The following GRID1 variants were observed in gnomAD, a reference collection of about 807,000 sequenced individuals.
GRID1 encodes the protein glutamate ionotropic receptor delta type subunit 1.
GRID1 carries 28 observed loss-of-function variants against 98.0 expected under a neutral mutation model. The ratio of observed to expected loss-of-function variants is 0.29; its 90% CI spans 0.21 to 0.39. GRID1 has a LOEUF of 0.39. Ranked by LOEUF, GRID1 falls within the 10% of genes least tolerant of loss-of-function variation. The probability of loss-of-function intolerance (pLI) is 1.00; values close to 1 mark genes in which losing one functional copy is unlikely to be tolerated. For synonymous variants in GRID1, 553 were observed against 538.5 expected (o/e 1.03, Z -0.37); for missense variants, 1,111 against 1,340.5 (o/e 0.83, Z 2.67).
chr10:85,965,396 T>A (rs575504955), intron 4 of GRID1, among the ~76,000 whole-genome samples: 1 of 152,266 alleles, frequency 6.6e-6, no homozygotes, highest in East Asian at 1.9e-4. Context: ...CAAATGCCCA[T>A]CAATGATAGC....
intron 4 of GRID1, among the ~76,000 whole-genome samples, chr10:85,943,560 T>C (rs1263971117): frequency 6.6e-6 from 1 of 152,180 alleles, no homozygotes; most frequent in Non-Finnish European, 1.5e-5. Flanking sequence ...TACTTGGGGA[T>C]TGAATCTACC....
At chr10:86,074,503 G>T (rs1367619569) in intron 4 of GRID1, among the ~76,000 whole-genome samples, 1 of 152,170 alleles carries the variant, frequency 6.6e-6, no homozygotes, top group Admixed American at 6.5e-5. Context: ...CATTGATGAT[G>T]AAATTGACAT....
intron 4 of GRID1, among the ~76,000 whole-genome samples, chr10:85,954,866 C>T (rs747973093): frequency 1.3e-5 from 2 of 152,150 alleles, no homozygotes; most frequent in African/African-American, 4.8e-5. Flanking sequence ...TTCAGTTCCC[C>T]ACGGTGTTGT....
intron 8 of GRID1, among the ~76,000 whole-genome samples, chr10:85,732,726 G>A (rs1841839414): frequency 1.3e-5 from 2 of 152,044 alleles, no homozygotes; most frequent in South Asian, 4.1e-4. Context: ...ACTCAAATAT[G>A]AACTATATTA....
At position 86,323,909 on chromosome 10, in the gene GRID1, T is replaced by C. The variant is rs537207747; in HGVS notation, c.235+40032A>G. Among the ~76,000 whole-genome samples the C allele has an allele frequency of 2.0e-5, 3 of 152,324 alleles. No homozygotes were observed. In the South Asian group the frequency reaches 6.2e-4, roughly 32 times the overall value. On this transcript the variant is annotated intron_variant, in intron 2 of 15. Coordinates refer to ENST00000327946, the MANE Select transcript of GRID1 (RefSeq NM_017551.3). ...AAAACTTTATTGAGGCCCAGCATGG[T>C]GGCTCACACCTGTAATCCCAGCACT...
intron 2 of GRID1, among the ~76,000 whole-genome samples, chr10:86,297,993 A>G (rs550157118): frequency 1.3e-5 from 2 of 152,358 alleles, no homozygotes; most frequent in Admixed American, 1.3e-4. Flanking sequence ...TTCGAAAGCA[A>G]TTTGGCGTTA....
chr10:86,365,898 G>C lies in GRID1; in HGVS notation c.79+416C>G, dbSNP rs1363222475. On this transcript the variant is annotated intron_variant, in intron 1 of 15. Transcript: ENST00000327946. This position sits in a 1 kb window ranked among gnomAD's most constrained non-coding sequence, Gnocchi z 4.8. ...CCCACACACATTCACACACGGTTCC[G>C]GTCCGGCCTCTTTGATCTTGCCCTG... Among the ~76,000 whole-genome samples, 2 of 151,068 alleles carry C rather than the reference G, an allele frequency of 1.3e-5. No individual in the cohort carries two copies. Among genetic ancestry groups the C allele is most frequent in the Admixed American group, 1.3e-4 (2 of 15,222 alleles).
intron 8 of GRID1, among the ~76,000 whole-genome samples, chr10:85,778,787 A>T (rs1427747909): frequency 6.6e-6 from 1 of 152,214 alleles, no homozygotes; most frequent in Non-Finnish European, 1.5e-5. Context: ...CTGGAGGCAG[A>T]TAGTACAGGT....
chr10:85,924,560 A>T (rs1327876463), intron 4 of GRID1, among the ~76,000 whole-genome samples: 1 of 152,214 alleles, frequency 6.6e-6, no homozygotes, highest in Non-Finnish European at 1.5e-5. Flanking sequence ...ATCATGCCTA[A>T]CAACATAGTA....
intron 8 of GRID1, among the ~76,000 whole-genome samples, chr10:85,759,215 G>A (rs1241770532): frequency 6.6e-6 from 1 of 152,116 alleles, no homozygotes; most frequent in African/African-American, 2.4e-5. Flanking sequence ...GTTCCTGGCT[G>A]CCCCTTGAGG....
intron 8 of GRID1, among the ~76,000 whole-genome samples, chr10:85,810,490 C>A (rs1158936437): frequency 1.3e-5 from 2 of 152,178 alleles, no homozygotes; most frequent in East Asian, 3.9e-4. Context: ...GAGAAACAGT[C>A]TAGCAGACCT....
At chr10:86,233,834 G>C (rs1301113761) in intron 2 of GRID1, among the ~76,000 whole-genome samples, 1 of 151,980 alleles carries the variant, frequency 6.6e-6, no homozygotes, top group Non-Finnish European at 1.5e-5. Flanking sequence ...ACTCTGGAAG[G>C]CTGACTGCTG....
At chr10:86,116,248 C>T (rs1316573569) in intron 4 of GRID1, among the ~76,000 whole-genome samples, 1 of 152,114 alleles carries the variant, frequency 6.6e-6, no homozygotes, top group Non-Finnish European at 1.5e-5. Context: ...TCAGTAAGTG[C>T]TTACAAAATT....
chr10:86,303,390 T>C (rs1455968765), intron 2 of GRID1, among the ~76,000 whole-genome samples: 4 of 152,224 alleles, frequency 2.6e-5, no homozygotes, highest in Admixed American at 1.3e-4. Context: ...AGAGTTTTTC[T>C]GAACAAAGAG....
chr10:86,013,042 G>A lies in GRID1; in HGVS notation c.727-96803C>T, dbSNP rs1023470306. Among the ~76,000 whole-genome samples, 4 of 152,220 alleles carry A rather than the reference G, an allele frequency of 2.6e-5. No individual in the cohort carries two copies. In the East Asian group the frequency reaches 7.7e-4, roughly 29 times the overall value. The stretch of plus-strand genomic sequence containing the variant: ...TCCTGGACATCTGGATCTACCCATG[G>A]GTCAGAGTAGGGGCTAATGCAGGTC... On this transcript the variant is annotated intron_variant, in intron 4 of 15. Coordinates refer to ENST00000327946, the MANE Select transcript of GRID1 (RefSeq NM_017551.3).
At chr10:85,962,473 A>G (rs1245952156) in intron 4 of GRID1, among the ~76,000 whole-genome samples, 1 of 152,218 alleles carries the variant, frequency 6.6e-6, no homozygotes, top group African/African-American at 2.4e-5. Flanking sequence ...CCACTTGAAA[A>G]TGATGCCCAG....
intron 12 of GRID1, among the ~76,000 whole-genome samples, chr10:85,688,559 A>G (rs567559956): frequency 6.6e-5 from 10 of 152,280 alleles, no homozygotes; most frequent in East Asian, 1.9e-4. Context: ...GAAGGAAGCT[A>G]TCTAGGTGTG....
chr10:86,348,858 C>T (rs1399707099), intron 2 of GRID1, among the ~76,000 whole-genome samples: 4 of 152,244 alleles, frequency 2.6e-5, no homozygotes, highest in African/African-American at 7.2e-5. Flanking sequence ...AGCTAAGTAG[C>T]CTAAAGCAGT....
intron 13 of GRID1, among the ~76,000 whole-genome samples, chr10:85,639,331 CT>C (rs1217349994): frequency 3.9e-5 from 6 of 152,112 alleles, no homozygotes; most frequent in African/African-American, 4.8e-5. Flanking sequence ...TACATATATT[CT>C]GTATGATTCC....
Sources: gnomAD v4.1 joint callset for allele counts (sites outside exome capture counted in the v4.1 genomes callset) on GRCh38, gnomAD v4.1.1 for gene constraint, Gnocchi (gnomAD v3.1) non-coding constraint, MANE v1.5 for transcripts, NCBI Gene and HGNC (gene_info 2026-07-23, HGNC 2026-07-21) for gene names.